Variants in AGBL1 observed in about 807,000 individuals in gnomAD.
The protein encoded by AGBL1 is AGBL carboxypeptidase 1.
In AGBL1, 130 loss-of-function variants were observed where a neutral mutation model predicts 118.9. The ratio of observed to expected loss-of-function variants is 1.09; its 90% CI spans 0.95 to 1.26. The LOEUF (loss-of-function observed/expected upper bound fraction) is 1.26. Ranked by LOEUF, AGBL1 falls within the 50% of genes most tolerant of loss-of-function variation. The pLI, the probability that AGBL1 is intolerant of heterozygous loss-of-function variation, is 0.00. For missense variants in AGBL1, 1,584 were observed against 1,298.1 expected (o/e 1.22, Z -3.38); for synonymous variants, 555 against 478.9 (o/e 1.16, Z -2.08).
At chr15:86,888,303 AAG>A (rs536409674) in intron 22 of AGBL1, among the ~76,000 whole-genome samples, 14 of 152,190 alleles carry the variant, frequency 9.2e-5, no homozygotes, top group Middle Eastern at 3.4e-3. Context: ...ACCTCATAGA[AAG>A]AGATTAGGCT....
intron 21 of AGBL1, among the ~76,000 whole-genome samples, chr15:86,584,810 ATGAGTATGGAATGTTTTCCCATT>A (rs1272834837): frequency 6.6e-5 from 10 of 152,196 alleles, no homozygotes; most frequent in Non-Finnish European, 1.2e-4. Flanking sequence ...CTTCCAATCC[ATGAGTATGGAATGTTTTCCCATT>A]TGTTTGTGTC....
intron 22 of AGBL1, among the ~76,000 whole-genome samples, chr15:86,746,368 T>C (rs2077757300): frequency 6.6e-6 from 1 of 152,104 alleles, no homozygotes; most frequent in Admixed American, 6.6e-5. Context: ...TCCTAAATCT[T>C]TGTATGTCTG....
intron 22 of AGBL1, among the ~76,000 whole-genome samples, chr15:86,715,464 CAT>C (rs140362888): frequency 0.01 from 1,596 of 152,246 alleles, 33 homozygotes; most frequent in African/African-American, 0.037. Context: ...ATTTTTAACT[CAT>C]AACTGAACTG....
chr15:86,661,997 C>T (rs2085550320), intron 21 of AGBL1, among the ~76,000 whole-genome samples: 1 of 152,212 alleles, frequency 6.6e-6, no homozygotes, highest in Non-Finnish European at 1.5e-5. Context: ...CCTCATTCAA[C>T]AACTTCAGTT....
intron 17 of AGBL1, among the ~76,000 whole-genome samples, chr15:86,319,733 C>G (rs963724502): frequency 1.3e-4 from 14 of 104,618 alleles, no homozygotes; most frequent in African/African-American, 4.8e-4. Context: ...TTTGTTTTGC[C>G]TCTTTGGTAG....
intron 6 of AGBL1, 38 bp downstream of exon 6, chr15:86,224,989 C>G (rs1350832160): frequency 2.5e-6 from 4 of 1,601,366 alleles, no homozygotes; most frequent in Non-Finnish European, 3.4e-6. Flanking sequence ...TTTCTCTCCA[C>G]TCTGGGTTTA....
At chr15:86,436,156 T>G (rs2081998684) in intron 18 of AGBL1, among the ~76,000 whole-genome samples, 2 of 145,268 alleles carry the variant, frequency 1.4e-5, no homozygotes, top group Admixed American at 1.4e-4. Flanking sequence ...TGCATGCATA[T>G]AGAAAATTAT....
At chr15:86,228,798 C>T (rs1353049152) in intron 6 of AGBL1, among the ~76,000 whole-genome samples, 1 of 152,266 alleles carries the variant, frequency 6.6e-6, no homozygotes, top group South Asian at 2.1e-4. Flanking sequence ...ACACATTTCC[C>T]GTCTCTGTCT....
intron 15 of AGBL1, among the ~76,000 whole-genome samples, chr15:86,277,608 C>T (rs1031085546): frequency 3.3e-5 from 5 of 152,110 alleles, no homozygotes; most frequent in Admixed American, 3.3e-4. Context: ...GTTGAGTTTG[C>T]ATAGGCTAAA....
chr15:86,092,874 A>G (rs958950162), intron 1 of AGBL1, among the ~76,000 whole-genome samples: 2 of 152,174 alleles, frequency 1.3e-5, no homozygotes, highest in African/African-American at 2.4e-5. Flanking sequence ...AATGGCATTA[A>G]TTCCTTCATG....
At chr15:86,624,147 T>C (rs1315859861) in intron 21 of AGBL1, among the ~76,000 whole-genome samples, 2 of 152,150 alleles carry the variant, frequency 1.3e-5, no homozygotes, top group African/African-American at 2.4e-5. Flanking sequence ...TGTCCTATAA[T>C]GAATTGTCCT....
intron 21 of AGBL1, among the ~76,000 whole-genome samples, chr15:86,667,261 T>C (rs1200905588): frequency 1.3e-5 from 2 of 151,956 alleles, no homozygotes; most frequent in Non-Finnish European, 2.9e-5. Context: ...TATGTATCTA[T>C]CTATCTATCT....
At chr15:86,094,327 A>T (rs1315917434) in intron 1 of AGBL1, among the ~76,000 whole-genome samples, 1 of 152,148 alleles carries the variant, frequency 6.6e-6, no homozygotes, top group Non-Finnish European at 1.5e-5. Context: ...TTCTAACCTG[A>T]TCACAGGTAA....
chr15:86,415,693 ACCTGAATGTTT>A (rs1354331644), intron 18 of AGBL1, among the ~76,000 whole-genome samples: 1 of 152,152 alleles, frequency 6.6e-6, no homozygotes, highest in Admixed American at 6.6e-5. Flanking sequence ...ATTGTCATTA[ACCTGAATGTTT>A]CCTGGTATGT....
At chr15:86,529,388 C>T (rs1440420931) in intron 19 of AGBL1, among the ~76,000 whole-genome samples, 8 of 133,110 alleles carry the variant, frequency 6.0e-5, no homozygotes, top group Admixed American at 2.1e-4. Context: ...TGAAATGAAG[C>T]GAGAAGGGAA....
intron 5 of AGBL1, among the ~76,000 whole-genome samples, chr15:86,206,844 G>T (rs1199975820): frequency 3.3e-5 from 5 of 152,186 alleles, no homozygotes; most frequent in African/African-American, 1.2e-4. Context: ...TTTGGCATTT[G>T]TTGCCATTGC....
intron 22 of AGBL1, among the ~76,000 whole-genome samples, chr15:86,725,905 C>T (rs893349630): frequency 9.9e-5 from 15 of 152,236 alleles, no homozygotes; most frequent in Admixed American, 3.9e-4. Flanking sequence ...ATATACTGGA[C>T]TATGAGTTCT....
chr15:86,106,456 T>A (rs1897056301), intron 1 of AGBL1, among the ~76,000 whole-genome samples: 1 of 152,240 alleles, frequency 6.6e-6, no homozygotes. Flanking sequence ...TACTTGTTCT[T>A]TTCACTCAAT....
At chr15:86,712,857 A>AC (rs2086582251) in intron 22 of AGBL1, among the ~76,000 whole-genome samples, 1 of 152,174 alleles carries the variant, frequency 6.6e-6, no homozygotes. Context: ...AGCCTGCTGA[A>AC]CAGAAGCCTT....
Sources: gnomAD v4.1 joint callset for allele counts (sites outside exome capture counted in the v4.1 genomes callset) on GRCh38, gnomAD v4.1.1 for gene constraint, MANE v1.5 for transcripts, NCBI Gene and HGNC (gene_info 2026-07-23, HGNC 2026-07-21) for gene names.